The following TAF15 variants were observed in gnomAD, a reference collection of about 807,000 sequenced individuals.
TAF15 encodes TATA-box binding protein associated factor 15, also known as TATA-binding protein-associated factor 2N.
Under a neutral mutation model 102.5 loss-of-function variants are expected in TAF15, and 37 were observed. The observed-to-expected ratio is 0.36, with a 90% CI of 0.28 to 0.47. The LOEUF (loss-of-function observed/expected upper bound fraction) is 0.47. TAF15 is among the 20% of genes least tolerant of loss of function. The pLI is 0.99. For synonymous variants in TAF15, 273 were observed against 259.2 expected, an observed-to-expected ratio of 1.05 and a Z score of -0.51; for missense variants, 652 against 760.7, an observed-to-expected ratio of 0.86 and a Z score of 1.68.
At position 35,823,540 on chromosome 17, in the gene TAF15, A is replaced by C. The variant is rs372983839; in HGVS notation, c.485-538A>C. 4.6e-4 allele frequency: 77 copies of C among 168,622 alleles called. No homozygotes were observed. In the Middle Eastern group the frequency reaches 0.019, roughly 41 times the overall value. 10.4% of individuals were successfully genotyped at this position (168,622 alleles called of 1,614,324 possible). A position where few individuals can be genotyped will look rare whatever the true frequency, so the allele number is the denominator to read the frequency against. Reference sequence around the variant, plus strand: ...TGGTGAAACCCTGTCTCTACTAAAAATACAAAAAAAAAAAATTAGCCAGGC... The same window carrying C: ...TGGTGAAACCCTGTCTCTACTAAAACTACAAAAAAAAAAAATTAGCCAGGC... On this transcript the variant is annotated intron_variant, in intron 6 of 15. Coordinates refer to ENST00000605844, the MANE Select transcript of TAF15 (RefSeq NM_139215.3).
intron 7 of TAF15, among the ~76,000 whole-genome samples, chr17:35,825,341 C>T (rs1327596053): frequency 6.6e-6 from 1 of 152,136 alleles, no homozygotes; most frequent in Non-Finnish European, 1.5e-5. Context: ...AAATTCTATG[C>T]TTCTTCATTG....
Position 35,844,103 on chromosome 17 carries a change from G to A in TAF15, c.1033G>A (p.Gly345Ser), listed in dbSNP as rs2087580100. ...RGRGGYRGRG[G>S]FQGRGGDPKS... ...CCGTGGAGGATATAGAGGTCGTGGA[G>A]GCTTTCAAGGGAGAGGTGGAGACCC... Residue 345 changes from glycine (G) to serine (S), a missense_variant, in exon 13 of 16, where the codon GGC becomes AGC. Gly to Ser is a moderately conservative substitution (Grantham distance 56). Coordinates refer to ENST00000605844, the MANE Select transcript of TAF15 (RefSeq NM_139215.3). 1.2e-6 allele frequency: 2 copies of A among 1,614,064 alleles called. No individual in the cohort carries two copies. The highest frequency in any genetic ancestry group is 2.7e-5 in the African/African-American group (2 of 74,914).
intron 2 of TAF15, among the ~76,000 whole-genome samples, chr17:35,819,421 T>C (rs4251736): frequency 5.0e-4 from 76 of 152,158 alleles, no homozygotes; most frequent in Non-Finnish European, 9.4e-4. Flanking sequence ...TCAACAAATA[T>C]TTATTGAGCT....
intron 8 of TAF15, chr17:35,834,355 G>A (rs1213373497): frequency 3.5e-6 from 2 of 577,420 alleles, no homozygotes; most frequent in Non-Finnish European, 6.0e-6. Flanking sequence ...TGCTGTCTAG[G>A]ACAAGTTAAA....
At chr17:35,836,791 T>G (rs998212203) in intron 10 of TAF15, among the ~76,000 whole-genome samples, 1 of 152,150 alleles carries the variant, frequency 6.6e-6, no homozygotes, top group African/African-American at 2.4e-5. Context: ...ACTCTTTTTT[T>G]TTTTTGAGAC....
chr17:35,833,072 A>C (rs938991718), intron 7 of TAF15, among the ~76,000 whole-genome samples: 2 of 151,766 alleles, frequency 1.3e-5, no homozygotes, highest in African/African-American at 4.8e-5. Context: ...CAGGAAAATC[A>C]CTTGAACCTG....
intron 1 of TAF15, chr17:35,817,355 A>G (rs2087207650): frequency 4.0e-6 from 1 of 252,284 alleles, no homozygotes; most frequent in East Asian, 1.0e-4. Context: ...TGGGGATGTC[A>G]TAGTGCATGT....
intron 7 of TAF15, among the ~76,000 whole-genome samples, chr17:35,832,842 C>T (rs941411294): frequency 6.6e-6 from 1 of 151,980 alleles, no homozygotes; most frequent in Non-Finnish European, 1.5e-5. Context: ...GACCACTGTC[C>T]TTGTGATTCT....
At chr17:35,838,266 A>C (rs113368878) in intron 10 of TAF15, among the ~76,000 whole-genome samples, 158 bp from the exon 11 acceptor site, 64 of 152,360 alleles carry the variant, frequency 4.2e-4, no homozygotes, top group African/African-American at 1.4e-3. Context: ...TTAGAGAGTT[A>C]TGCTTGTCTA....
At chr17:35,816,543 A>G (rs1320337242) in intron 1 of TAF15, among the ~76,000 whole-genome samples, 17 of 152,232 alleles carry the variant, frequency 1.1e-4, no homozygotes, top group Admixed American at 5.9e-4. Flanking sequence ...CTATTTGACA[A>G]CAGTGATTTT....
At position 35,820,190 on chromosome 17, in the gene TAF15, T is replaced by C; in HGVS notation, c.126T>C (p.Thr42=). 5 of 1,614,122 alleles carry C rather than the reference T, an allele frequency of 3.1e-6. No homozygotes were observed. Among genetic ancestry groups the C allele is most frequent in the Non-Finnish European group, 4.2e-6 (5 of 1,179,958 alleles). ...SQSYSGYGQT[T]DSSYGQNYSG... is the part of the protein sequence containing the mutation. ...GCTATTCTGGCTATGGGCAAACGAC[T>C]GATTCCTCTTATGGACAGAACTACA... The change falls in exon 4 of 16, where the codon ACT becomes ACC. Residue 42 remains threonine, a synonymous_variant. Transcript: ENST00000605844.
chr17:35,834,572 G>C lies in TAF15; in HGVS notation c.647G>C (p.Arg216Thr). ...TTCTTTTCTTTTCCCTTAGGTCACA[G>C]GGATTATGGACCCAGAACAGATGCT... is the stretch of plus-strand genomic sequence containing the variant. ...RGGFKNFGGH[R>T]DYGPRTDADS... is the part of the protein sequence containing the mutation. Residue 216 changes from arginine to threonine, a missense_variant, in exon 9 of 16, where the codon AGG (arginine) becomes ACG (threonine). Arg to Thr is a moderately conservative substitution (Grantham distance 71, BLOSUM62 -1). Transcript: ENST00000605844. The C allele has an allele frequency of 6.2e-7, 1 of 1,613,144 alleles. No homozygotes were observed. Among genetic ancestry groups the C allele is most frequent in the Non-Finnish European group, 8.5e-7 (1 of 1,179,772 alleles).
chr17:35,842,597 A>G (rs1479993050), intron 12 of TAF15, 138 bp downstream of exon 12: 2 of 696,602 alleles, frequency 2.9e-6, no homozygotes, highest in East Asian at 5.5e-5. Flanking sequence ...AAATGAGTTC[A>G]GGTACTGAAT....
rs987161047 is a variant in TAF15, at chr17:35,844,159, G to C, written c.1088+1G>C. ...GTGGGGATTGGGTTTGCCCTAATCC[G>C]TAAGTGTCTTGTTTACTTTGGTGAG... On this transcript the variant is annotated splice_donor_variant, in intron 13 of 15. Coordinates refer to ENST00000605844, the MANE Select transcript of TAF15 (RefSeq NM_139215.3). LOFTEE classifies it high-confidence loss of function. 6.2e-7 allele frequency: 1 copy of C among 1,614,030 alleles called. No homozygotes were observed. The highest frequency in any genetic ancestry group is 8.5e-7 in the Non-Finnish European group (1 of 1,179,924).
At chr17:35,829,631 C>CAAAAAAAAA (rs746776421) in intron 7 of TAF15, among the ~76,000 whole-genome samples, 7 of 33,096 alleles carry the variant, frequency 2.1e-4, no homozygotes, top group Non-Finnish European at 2.9e-4. Context: ...GACTCCATCT[C>CAAAAAAAAA]AAAAAAAAAA....
At position 35,836,251 on chromosome 17, in the gene TAF15, AATATT is replaced by A. The variant is rs1238145468; in HGVS notation, c.783+15_783+19del. On this transcript the variant is annotated intron_variant, in intron 10 of 15. Coordinates refer to ENST00000605844, the MANE Select transcript of TAF15 (RefSeq NM_139215.3). Reference sequence around the variant, plus strand: ...AATAGGAATTATCAAGGTGAGTAAAAATATTATATGTTGAAAATCTCATAATTAAT... The same window carrying A: ...AATAGGAATTATCAAGGTGAGTAAAAATATGTTGAAAATCTCATAATTAAT... The A allele has an allele frequency of 6.6e-7, 1 of 1,526,636 alleles. No homozygotes were observed. Among genetic ancestry groups the A allele is most frequent in the African/African-American group, 1.4e-5 (1 of 73,188 alleles). The allele number at this position is 1,526,636 out of a possible 1,614,324, so 94.6% of individuals were successfully genotyped here.
chr17:35,845,754 T>TG (rs2087616907), intron 15 of TAF15, among the ~76,000 whole-genome samples: 2 of 152,232 alleles, frequency 1.3e-5, no homozygotes, highest in Non-Finnish European at 2.9e-5. Context: ...CCCAAAGTGG[T>TG]GGGATTACAG....
rs1294871586 is a variant in TAF15, at chr17:35,846,911, A to G, written c.1745A>G (p.Asp582Gly). 1.2e-6 allele frequency: 2 copies of G among 1,614,204 alleles called. No homozygotes were observed. Among genetic ancestry groups the G allele is most frequent in the East Asian group, 2.2e-5 (1 of 44,888 alleles). The change falls in exon 16 of 16, where the codon GAC becomes GGC. Residue 582 changes from aspartate to glycine, a missense_variant. Around this residue, in one of 3 missense-constraint regions of TAF15, gnomAD observed 368 missense variants for 367.5 expected, o/e 1.00. Transcript: ENST00000605844. The stretch of plus-strand genomic sequence containing the variant: ...TCTTTATTTTTCATTCCTAGAAACG[A>G]CTACAGAAATGATCAGCGCAACCGA... ...GYGGKMGGRN[D>G]YRNDQRNRPY
chr17:35,834,746 T>A lies in TAF15; in HGVS notation c.673+148T>A. Reference sequence around the variant, plus strand: ...GAACTGGGGAGCTTTATTTCTTTTTTTTTTTTTTTTTTTTTTGAGATGGAG... The same window carrying A: ...GAACTGGGGAGCTTTATTTCTTTTTATTTTTTTTTTTTTTTTGAGATGGAG... On this transcript the variant is annotated intron_variant, in intron 9 of 15. Transcript: ENST00000605844. 7.6e-6 allele frequency: 5 copies of A among 657,276 alleles called. No individual in the cohort carries two copies. The African/African-American group carries it at 1.1e-4, about 15-fold the overall frequency. 40.7% of individuals were successfully genotyped at this position (657,276 alleles called of 1,614,324 possible).
Sources: gnomAD v4.1 joint callset for allele counts (sites outside exome capture counted in the v4.1 genomes callset) on GRCh38, gnomAD v4.1.1 for gene constraint, gnomAD v4.1.1 regional missense constraint, MANE v1.5 for transcripts, NCBI Gene and HGNC (gene_info 2026-07-23, HGNC 2026-07-21) for gene names.